MSRA: variants seen among roughly 807,000 people sequenced by gnomAD.
The protein encoded by MSRA is methionine sulfoxide reductase A.
A neutral mutation model predicts 31.3 loss-of-function variants in MSRA; 54 were observed. That is an observed-to-expected ratio of 1.73 (90% CI 1.39 to 2.17). The LOEUF is 2.17. MSRA is among the 30% of genes most tolerant of loss of function. The pLI is 0.00. For missense variants in MSRA, 507 were observed against 300.9 expected (o/e 1.69, Z -5.07); for synonymous variants, 169 against 116.5 (o/e 1.45, Z -2.90).
chr8:10,126,686 T>G (rs972141576), intron 1 of MSRA, among the ~76,000 whole-genome samples: 1 of 152,142 alleles, frequency 6.6e-6, no homozygotes, highest in African/African-American at 2.4e-5. Flanking sequence ...CTAATTTTTG[T>G]ATTTTTTAGT....
intron 1 of MSRA, among the ~76,000 whole-genome samples, chr8:10,059,377 G>A (rs904560200): frequency 3.3e-5 from 5 of 152,174 alleles, no homozygotes; most frequent in African/African-American, 1.2e-4. Context: ...TGGAAACTGA[G>A]GCCCATAGAT....
intron 1 of MSRA, among the ~76,000 whole-genome samples, chr8:10,125,840 G>C (rs1454316372): frequency 1.3e-5 from 2 of 152,200 alleles, no homozygotes; most frequent in Non-Finnish European, 2.9e-5. Flanking sequence ...ACCAATACCT[G>C]TTATTACTCA....
chr8:10,111,522 T>C (rs983810841), intron 1 of MSRA, among the ~76,000 whole-genome samples: 1 of 152,204 alleles, frequency 6.6e-6, no homozygotes, highest in Admixed American at 6.5e-5. Flanking sequence ...AAGGGAATTA[T>C]CATAGGGAGG....
intron 3 of MSRA, among the ~76,000 whole-genome samples, chr8:10,267,856 G>GA (rs1798827260): frequency 6.6e-6 from 1 of 152,112 alleles, no homozygotes; most frequent in Non-Finnish European, 1.5e-5. Flanking sequence ...ATTTTATGTG[G>GA]AAAAAATGAC....
chr8:10,058,328 C>G (rs1311858523), intron 1 of MSRA, among the ~76,000 whole-genome samples: 3 of 151,964 alleles, frequency 2.0e-5, no homozygotes, highest in African/African-American at 7.3e-5. Context: ...TACAAATATA[C>G]AAAATAAGTC....
At position 10,400,361 on chromosome 8, in the gene MSRA, C is replaced by CTGTGTGTG. The variant is rs778722885; in HGVS notation, c.544-27771_544-27764dup. 3.0e-4 allele frequency among the ~76,000 whole-genome samples: 45 copies of CTGTGTGTG among 148,108 alleles called. 1 individual carries two copies. The highest frequency in any genetic ancestry group is 8.1e-4 in the East Asian group (4 of 4,930). On this transcript the variant is annotated intron_variant, in intron 5 of 5. Transcript: ENST00000317173. ...CCATGGCCTATGACCTATTCAGGCT[C>CTGTGTGTG]TGTGTGTGTGTGTGTGTGTGTGTAG...
At chr8:10,206,708 C>T (rs1030646868) in intron 1 of MSRA, among the ~76,000 whole-genome samples, 8 of 152,210 alleles carry the variant, frequency 5.3e-5, no homozygotes, top group African/African-American at 1.4e-4. Flanking sequence ...GGAGTGGCAG[C>T]GCCTTCTGGC....
chr8:10,241,591 A>T (rs1447106095), intron 2 of MSRA, among the ~76,000 whole-genome samples: 1 of 152,202 alleles, frequency 6.6e-6, no homozygotes, highest in Non-Finnish European at 1.5e-5. Flanking sequence ...GAAGCTTTTC[A>T]TTATAAGGTA....
In MSRA at chr8:10,284,025, G is replaced by A. The variant is rs571682850; in HGVS notation, c.332-17509G>A. Among the ~76,000 whole-genome samples the A allele has an allele frequency of 2.0e-5, 3 of 151,730 alleles. No individual in the cohort carries two copies. In the East Asian group the frequency reaches 5.8e-4, roughly 29 times the overall value. On this transcript the variant is annotated intron_variant, in intron 3 of 5. Coordinates refer to ENST00000317173, the MANE Select transcript of MSRA (RefSeq NM_012331.5). ...CCTCTTGGTAGATAGCCAGTAGTGG[G>A]ATTGCTGGATCAAATGGTAGTTCTA...
At chr8:10,234,530 G>T (rs1459921159) in intron 2 of MSRA, among the ~76,000 whole-genome samples, 1 of 151,988 alleles carries the variant, frequency 6.6e-6, no homozygotes, top group Non-Finnish European at 1.5e-5. Context: ...GAGAGAAAAT[G>T]AGGGAAAAGA....
At chr8:10,347,942 CT>C (rs1348259885) in intron 5 of MSRA, among the ~76,000 whole-genome samples, 3 of 152,246 alleles carry the variant, frequency 2.0e-5, no homozygotes, top group African/African-American at 7.2e-5. Context: ...CAGATGTCTT[CT>C]TTCCCTTACT....
In MSRA at chr8:10,244,725, T is replaced by C. The variant is rs148320732; in HGVS notation, c.212-379T>C. On this transcript the variant is annotated intron_variant, in intron 2 of 5. Transcript: ENST00000317173. The stretch of plus-strand genomic sequence containing the variant: ...CTTTGGTAAAATATTTTTTTAAAAA[T>C]ATGTGACCAGGGAGTGGATCATTCA... Among the ~76,000 whole-genome samples the C allele has an allele frequency of 5.2e-3, 788 of 152,314 alleles. 4 individuals are homozygous for C. Among genetic ancestry groups the C allele is most frequent in the Non-Finnish European group, 7.9e-3 (534 of 68,022 alleles).
chr8:10,139,588 T>G (rs1802535741), intron 1 of MSRA, among the ~76,000 whole-genome samples: 1 of 152,230 alleles, frequency 6.6e-6, no homozygotes, highest in Non-Finnish European at 1.5e-5. Context: ...ACACATTATT[T>G]GGCTGCCACT....
intron 5 of MSRA, among the ~76,000 whole-genome samples, chr8:10,418,018 A>G (rs1329053381): frequency 1.3e-5 from 2 of 152,140 alleles, no homozygotes; most frequent in African/African-American, 4.8e-5. Flanking sequence ...CAGCAGCTTC[A>G]AGTTGACCTC....
intron 5 of MSRA, among the ~76,000 whole-genome samples, chr8:10,400,345 A>G (rs574192620): frequency 6.8e-6 from 1 of 146,780 alleles, no homozygotes; most frequent in Non-Finnish European, 1.5e-5. Context: ...TCCATGGCCT[A>G]TGACCTATTC....
intron 1 of MSRA, among the ~76,000 whole-genome samples, chr8:10,175,050 A>C (rs1448886536): frequency 6.6e-6 from 1 of 152,122 alleles, no homozygotes; most frequent in Non-Finnish European, 1.5e-5. Flanking sequence ...CTACCCGAAC[A>C]TGATTCACCA....
intron 5 of MSRA, among the ~76,000 whole-genome samples, chr8:10,424,760 G>C (rs1397328125): frequency 6.6e-6 from 1 of 152,204 alleles, no homozygotes; most frequent in Non-Finnish European, 1.5e-5. Flanking sequence ...GGGAGGTGCT[G>C]GGGCAGGCCC....
intron 2 of MSRA, among the ~76,000 whole-genome samples, chr8:10,239,458 C>A (rs1452161635): frequency 6.6e-6 from 1 of 152,222 alleles, no homozygotes; most frequent in Admixed American, 6.5e-5. Flanking sequence ...CCACCCCTGG[C>A]TCGAAATATG....
chr8:10,402,084 G>A (rs1227789716), intron 5 of MSRA, among the ~76,000 whole-genome samples: 2 of 152,154 alleles, frequency 1.3e-5, no homozygotes, highest in East Asian at 3.9e-4. Context: ...AGAAAAAAAT[G>A]TAAAGGAAGG....
Sources: allele counts gnomAD v4.1 joint callset (sites outside exome capture counted in the v4.1 genomes callset), GRCh38; gene constraint gnomAD v4.1.1; transcripts MANE v1.5; gene names NCBI Gene and HGNC (gene_info 2026-07-23, HGNC 2026-07-21).